The following WDFY2 variants were observed in gnomAD, a reference collection of about 807,000 sequenced individuals.
WDFY2 encodes the protein WD repeat and FYVE domain containing 2.
A neutral mutation model predicts 56.4 loss-of-function variants in WDFY2; 36 were observed. The observed-to-expected ratio is 0.64, with a 90% CI of 0.49 to 0.84. The LOEUF (loss-of-function observed/expected upper bound fraction) is 0.84, where lower values mean the gene tolerates loss of function less well. Among genes scored for constraint, WDFY2 ranks in the 40% least tolerant of loss-of-function variants. The pLI, the probability that WDFY2 is intolerant of heterozygous loss-of-function variation, is 0.00. For missense variants in WDFY2, 444 were observed against 512.2 expected, an observed-to-expected ratio of 0.87 and a Z score of 1.29; for synonymous variants, 176 against 183.7, an observed-to-expected ratio of 0.96 and a Z score of 0.34.
intron 3 of WDFY2, among the ~76,000 whole-genome samples, chr13:51,692,464 C>A (rs1003777787): frequency 2.0e-5 from 3 of 152,034 alleles, no homozygotes; most frequent in African/African-American, 7.2e-5. Context: ...TGTGGTTTTT[C>A]TCTTTGGTTC....
chr13:51,599,469 TCTATC>T (rs1443477488), intron 1 of WDFY2: 1 of 158,088 alleles, frequency 6.3e-6, no homozygotes, highest in African/African-American at 2.4e-5. Context: ...TATTAATGTA[TCTATC>T]CCAGTTGAGA....
intron 1 of WDFY2, among the ~76,000 whole-genome samples, chr13:51,623,762 A>C (rs552102129): frequency 6.6e-6 from 1 of 151,700 alleles, no homozygotes; most frequent in South Asian, 2.1e-4. Context: ...CCCATAAGAA[A>C]TTTTGGTTAT....
chr13:51,642,473 AT>A (rs1286074742), intron 1 of WDFY2, among the ~76,000 whole-genome samples: 5 of 150,982 alleles, frequency 3.3e-5, no homozygotes, highest in African/African-American at 1.2e-4. Context: ...TTTTTTTTGT[AT>A]TTTTGTAGAG....
intron 2 of WDFY2, among the ~76,000 whole-genome samples, chr13:51,664,044 T>C (rs138257683): frequency 7.2e-4 from 110 of 152,206 alleles, no homozygotes; most frequent in Non-Finnish European, 1.3e-3. Context: ...TAATTTGAAG[T>C]TTAATGAAAG....
Position 51,723,386 on chromosome 13 carries a change from G to A in WDFY2, c.485+4038G>A, listed in dbSNP as rs1446345781. On this transcript the variant is annotated intron_variant, in intron 5 of 11. Transcript: ENST00000298125. Reference sequence around the variant, plus strand: ...TGTGCAGTGGATTTGTTTGAAATTCGATCTAGACAAGATCCACACATTGCA... The same window carrying A: ...TGTGCAGTGGATTTGTTTGAAATTCAATCTAGACAAGATCCACACATTGCA... 3.3e-5 allele frequency among the ~76,000 whole-genome samples: 5 copies of A among 151,798 alleles called. No homozygotes were observed. The East Asian group carries it at 9.7e-4, about 29-fold the overall frequency.
At chr13:51,585,100 C>G (rs1034619680) in intron 1 of WDFY2, among the ~76,000 whole-genome samples, 2 of 152,210 alleles carry the variant, frequency 1.3e-5, no homozygotes, top group Non-Finnish European at 2.9e-5. Context: ...TAACGGTGCG[C>G]TGGAGGGACT....
At chr13:51,672,637 G>A (rs905728609) in intron 2 of WDFY2, among the ~76,000 whole-genome samples, 1 of 151,950 alleles carries the variant, frequency 6.6e-6, no homozygotes, top group Non-Finnish European at 1.5e-5. Context: ...TGCTTTTGGC[G>A]GTATGTTCAT....
chr13:51,644,865 C>T (rs750186165), intron 1 of WDFY2, among the ~76,000 whole-genome samples: 4 of 152,144 alleles, frequency 2.6e-5, no homozygotes, highest in Non-Finnish European at 4.4e-5. Context: ...GTCTTGAAAC[C>T]GCTGGCCACC....
chr13:51,737,035 C>T (rs1952852274), intron 6 of WDFY2, among the ~76,000 whole-genome samples: 1 of 152,136 alleles, frequency 6.6e-6, no homozygotes, highest in Non-Finnish European at 1.5e-5. Flanking sequence ...ACCCATTTCA[C>T]GTGTTATATA....
intron 1 of WDFY2, among the ~76,000 whole-genome samples, chr13:51,642,888 G>A (rs1955197161): frequency 6.6e-6 from 1 of 151,870 alleles, no homozygotes; most frequent in Non-Finnish European, 1.5e-5. Flanking sequence ...ATGTTGGCCA[G>A]GATGGTCTCG....
At chr13:51,625,145 G>C (rs1381558171) in intron 1 of WDFY2, among the ~76,000 whole-genome samples, 1 of 152,186 alleles carries the variant, frequency 6.6e-6, no homozygotes, top group Non-Finnish European at 1.5e-5. Flanking sequence ...CATTGCAGTA[G>C]GAGACGTAAA....
intron 3 of WDFY2, among the ~76,000 whole-genome samples, chr13:51,684,515 G>A (rs971766868): frequency 6.6e-6 from 1 of 151,978 alleles, no homozygotes; most frequent in African/African-American, 2.4e-5. Flanking sequence ...ATCTGCATCT[G>A]TGGCTTAATT....
chr13:51,687,678 G>A (rs1198592790), intron 3 of WDFY2, among the ~76,000 whole-genome samples: 1 of 151,652 alleles, frequency 6.6e-6, no homozygotes, highest in African/African-American at 2.4e-5. Context: ...CTCATATATT[G>A]TATATTAGGA....
At chr13:51,599,692 A>G (rs1268604604) in intron 1 of WDFY2, among the ~76,000 whole-genome samples, 2 of 152,204 alleles carry the variant, frequency 1.3e-5, no homozygotes, top group Non-Finnish European at 2.9e-5. Flanking sequence ...ACTTTTGAAT[A>G]AGGAGCTTAC....
At chr13:51,699,497 C>T (rs750830524) in intron 3 of WDFY2, among the ~76,000 whole-genome samples, 3 of 152,154 alleles carry the variant, frequency 2.0e-5, no homozygotes, top group East Asian at 1.9e-4. Flanking sequence ...CTTTGCTTCA[C>T]GCTGTTTTTC....
At chr13:51,741,305 A>G (rs1054513392) in intron 7 of WDFY2, among the ~76,000 whole-genome samples, 5 of 152,218 alleles carry the variant, frequency 3.3e-5, no homozygotes, top group Non-Finnish European at 5.9e-5. Context: ...GCTTTATTTA[A>G]TTCAAGCTTA....
At chr13:51,643,309 T>C (rs1217509247) in intron 1 of WDFY2, among the ~76,000 whole-genome samples, 1 of 152,136 alleles carries the variant, frequency 6.6e-6, no homozygotes, top group African/African-American at 2.4e-5. Context: ...AGTTAATCCA[T>C]CTCAGATTCA....
At chr13:51,712,100 TGGA>T (rs1952232855) in intron 4 of WDFY2, among the ~76,000 whole-genome samples, 1 of 152,172 alleles carries the variant, frequency 6.6e-6, no homozygotes, top group African/African-American at 2.4e-5. Context: ...ATATACACCA[TGGA>T]ATACTATGCA....
At chr13:51,616,570 T>C (rs914704623) in intron 1 of WDFY2, among the ~76,000 whole-genome samples, 1 of 152,188 alleles carries the variant, frequency 6.6e-6, no homozygotes, top group African/African-American at 2.4e-5. Flanking sequence ...ATAGGCTAAC[T>C]GAGGCTCTAC....
Sources: gnomAD v4.1 joint callset for allele counts (sites outside exome capture counted in the v4.1 genomes callset) on GRCh38, gnomAD v4.1.1 for gene constraint, MANE v1.5 for transcripts, NCBI Gene and HGNC (gene_info 2026-07-23, HGNC 2026-07-21) for gene names.